Variants in XIRP2 observed in about 807,000 individuals in gnomAD.
The protein encoded by XIRP2 is xin actin binding repeat containing 2, also known as xin actin-binding repeat-containing protein 2.
Under a neutral mutation model 277.0 loss-of-function variants are expected in XIRP2, and 236 were observed. The ratio of observed to expected loss-of-function variants is 0.85; its 90% CI spans 0.77 to 0.95. XIRP2 has a LOEUF of 0.95. Among genes scored for constraint, XIRP2 ranks in the 40% least tolerant of loss-of-function variants. The pLI, the probability that XIRP2 is intolerant of heterozygous loss-of-function variation, is 0.00. For synonymous variants in XIRP2, 1,490 were observed against 1,416.5 expected, an observed-to-expected ratio of 1.05 and a Z score of -1.17; for missense variants, 4,640 against 4,157.5, an observed-to-expected ratio of 1.12 and a Z score of -3.19.
rs189035534 is a variant in XIRP2, at chr2:166,890,063, T to G, written c.-19+1506T>G. Among the ~76,000 whole-genome samples the G allele has an allele frequency of 2.6e-3, 397 of 151,380 alleles. 1 individual carries two copies. Among genetic ancestry groups the G allele is most frequent in the African/African-American group, 8.7e-3 (361 of 41,270 alleles). ...CAGACTGGAGCATAGTGGTGTGATC[T>G]CGGCTCACTGCAACGTCCACCTCCC... On this transcript the variant is annotated intron_variant, in intron 1 of 10. Transcript: ENST00000409195.
chr2:167,113,127 C>G (rs890254719), intron 2 of XIRP2, among the ~76,000 whole-genome samples: 1 of 151,924 alleles, frequency 6.6e-6, no homozygotes, highest in Non-Finnish European at 1.5e-5. Flanking sequence ...GTGGAGAGTT[C>G]TGTAATGTAG....
At chr2:167,021,145 A>G (rs1376059043) in intron 2 of XIRP2, among the ~76,000 whole-genome samples, 3 of 152,052 alleles carry the variant, frequency 2.0e-5, no homozygotes, top group African/African-American at 7.2e-5. Context: ...GTTGATTCTG[A>G]TATATAATCA....
At chr2:167,146,345 A>C (rs995233409) in intron 3 of XIRP2, among the ~76,000 whole-genome samples, 3 of 152,024 alleles carry the variant, frequency 2.0e-5, no homozygotes, top group African/African-American at 7.2e-5. Context: ...ACTAAAAAAT[A>C]CAAAAATTAG....
chr2:167,127,512 C>G (rs1257919873), intron 2 of XIRP2, among the ~76,000 whole-genome samples: 2 of 152,134 alleles, frequency 1.3e-5, no homozygotes. Flanking sequence ...TTGTTTGCCC[C>G]CCAAATGCCT....
chr2:167,080,406 T>A (rs963277127), intron 2 of XIRP2, among the ~76,000 whole-genome samples: 16 of 152,162 alleles, frequency 1.1e-4, no homozygotes, highest in Admixed American at 9.2e-4. Context: ...ACTGATACTG[T>A]GATGCACCTT....
chr2:167,152,077 T>A (rs1425681064), intron 3 of XIRP2, among the ~76,000 whole-genome samples: 5 of 152,116 alleles, frequency 3.3e-5, no homozygotes, highest in African/African-American at 1.2e-4. Flanking sequence ...GAGAGAAATG[T>A]CCCAACTGTG....
rs111389244 is a variant in XIRP2, at chr2:167,247,487, G to C, written c.6095G>C (p.Arg2032Pro). 6.2e-7 allele frequency: 1 copy of C among 1,613,710 alleles called. No homozygotes were observed. The highest frequency in any genetic ancestry group is 1.1e-5 in the South Asian group (1 of 91,072). The change falls in exon 9 of 11, where the codon CGT (arginine) becomes CCT (proline). Residue 2032 changes from arginine to proline, a missense_variant. Transcript: ENST00000409195. The part of the protein sequence containing the change: ...PKGTVKIVID[R>P]EQNNDALEKS... ...GGCACTGTAAAGATTGTCATAGATC[G>C]TGAACAAAACAATGATGCTCTGGAG...
chr2:167,106,248 C>T (rs972041971), intron 2 of XIRP2, among the ~76,000 whole-genome samples: 7 of 151,632 alleles, frequency 4.6e-5, no homozygotes, highest in African/African-American at 1.7e-4. Context: ...CTCTTCTCCT[C>T]ACCCTGGATT....
chr2:167,134,754 A>G (rs1691492567), intron 2 of XIRP2, among the ~76,000 whole-genome samples: 1 of 152,188 alleles, frequency 6.6e-6, no homozygotes. Context: ...TCATAATAAA[A>G]TAGACTAACT....
intron 3 of XIRP2, among the ~76,000 whole-genome samples, chr2:167,170,921 A>C (rs1288026570): frequency 1.9e-5 from 2 of 107,838 alleles, no homozygotes; most frequent in Non-Finnish European, 3.5e-5. Flanking sequence ...TTTTTTTGAG[A>C]CAGAGTCTTT....
At chr2:167,025,440 G>A (rs1187254322) in intron 2 of XIRP2, among the ~76,000 whole-genome samples, 1 of 151,940 alleles carries the variant, frequency 6.6e-6, no homozygotes, top group African/African-American at 2.4e-5. Flanking sequence ...AGGGTTTTTT[G>A]TGTCTCCATT....
At chr2:167,242,436 T>C (rs752495458) in intron 8 of XIRP2, 133 bp from the exon 9 acceptor site, 21 of 854,932 alleles carry the variant, frequency 2.5e-5, no homozygotes, top group Non-Finnish European at 3.7e-5. Context: ...GGTCTTTAAA[T>C]GAGTATATCA....
At chr2:166,988,609 C>T (rs1687080416) in intron 2 of XIRP2, among the ~76,000 whole-genome samples, 1 of 129,050 alleles carries the variant, frequency 7.7e-6, no homozygotes, top group Non-Finnish European at 1.6e-5. Context: ...TGTGTGTGCG[C>T]ACCGTGCGCG....
chr2:167,151,387 G>A (rs999808341), intron 3 of XIRP2, among the ~76,000 whole-genome samples: 1 of 152,092 alleles, frequency 6.6e-6, no homozygotes, highest in Non-Finnish European at 1.5e-5. Flanking sequence ...CTAACTGAAA[G>A]CCTGGACATC....
intron 5 of XIRP2, among the ~76,000 whole-genome samples, chr2:167,228,472 T>C (rs1483064754): frequency 6.6e-6 from 1 of 152,182 alleles, no homozygotes; most frequent in Non-Finnish European, 1.5e-5. Context: ...GCAGACATTC[T>C]ACCTGTGTCT....
chr2:167,223,713 A>G (rs749862146), intron 5 of XIRP2, among the ~76,000 whole-genome samples: 2 of 152,202 alleles, frequency 1.3e-5, no homozygotes, highest in South Asian at 2.1e-4. Context: ...GTAGATTGCT[A>G]TTATCAGCCC....
intron 2 of XIRP2, among the ~76,000 whole-genome samples, chr2:166,942,802 T>C (rs770029689): frequency 6.6e-6 from 1 of 152,184 alleles, no homozygotes; most frequent in African/African-American, 2.4e-5. Flanking sequence ...ATAAAAGCCT[T>C]GAAGAGAGAC....
rs748108212 is a variant in XIRP2 at position 167,040,740 on chromosome 2, A to G, written c.409-95169A>G. ...CCTCTACCAGGGTCCCTGTCTGGCT[A>G]TGGCCACCAGCAAGTGCTACCACCA... On this transcript the variant is annotated intron_variant, in intron 2 of 10. Coordinates refer to ENST00000409195, the MANE Select transcript of XIRP2 (RefSeq NM_152381.6). Among the ~76,000 whole-genome samples the G allele has an allele frequency of 7.2e-5, 11 of 152,164 alleles. 1 individual carries two copies. The South Asian group carries it at 1.7e-3, about 23-fold the overall frequency.
Position 167,196,436 on chromosome 2 carries a change from G to A in XIRP2, c.563-14299G>A, listed in dbSNP as rs571404205. ...TTTGTGTGTGTGTGTGTGTGTGTGT[G>A]TGTGTGTGTGTGTGTAGACTGGCCA... On this transcript the variant is annotated intron_variant, in intron 3 of 10. Transcript: ENST00000409195. Among the ~76,000 whole-genome samples, 3 of 151,686 alleles carry A rather than the reference G, an allele frequency of 2.0e-5. No homozygotes were observed. In the South Asian group the frequency reaches 6.3e-4, roughly 32 times the overall value.
Sources: gnomAD v4.1 joint callset for allele counts (sites outside exome capture counted in the v4.1 genomes callset) on GRCh38, gnomAD v4.1.1 for gene constraint, MANE v1.5 for transcripts, NCBI Gene and HGNC (gene_info 2026-07-23, HGNC 2026-07-21) for gene names.